TTC27: variants seen among roughly 807,000 people sequenced by gnomAD.
The protein encoded by TTC27 is tetratricopeptide repeat domain 27, also known as tetratricopeptide repeat protein 27.
A neutral mutation model predicts 115.9 loss-of-function variants in TTC27; 79 were observed. The observed-to-expected ratio is 0.68, with a 90% CI of 0.57 to 0.82. The LOEUF (loss-of-function observed/expected upper bound fraction) is 0.82, where lower values mean the gene tolerates loss of function less well. TTC27 is among the 40% of genes least tolerant of loss of function. The pLI is 0.00. For synonymous variants in TTC27, 401 were observed against 356.0 expected (o/e 1.13, Z -1.42); for missense variants, 1,054 against 993.1 (o/e 1.06, Z -0.82).
intron 13 of TTC27, among the ~76,000 whole-genome samples, chr2:32,776,133 T>G (rs1669990074): frequency 6.6e-6 from 1 of 152,204 alleles, no homozygotes; most frequent in African/African-American, 2.4e-5. Flanking sequence ...TTTTCAGTCA[T>G]TACCTGTCCC....
At chr2:32,814,432 A>G (rs945474147) in intron 18 of TTC27, among the ~76,000 whole-genome samples, 2 of 152,204 alleles carry the variant, frequency 1.3e-5, no homozygotes, top group African/African-American at 2.4e-5. Flanking sequence ...GTTTCTGATG[A>G]TATTTTAGAT....
intron 4 of TTC27, among the ~76,000 whole-genome samples, chr2:32,649,906 T>A (rs559215671): frequency 6.7e-6 from 1 of 148,498 alleles, no homozygotes; most frequent in South Asian, 2.1e-4. Context: ...TCCAAGTGGC[T>A]AAAAAAAAAA....
In TTC27 at chr2:32,787,034, A is replaced by G; in HGVS notation, c.1883A>G (p.His628Arg). The G allele has an allele frequency of 6.2e-7, 1 of 1,614,146 alleles. No homozygotes were observed. Among genetic ancestry groups the G allele is most frequent in the South Asian group, 1.1e-5 (1 of 91,064 alleles). ...GAAGCTCTCAAGTGTAACTATGAAC[A>G]CTGGCAGATTTGGGAAAACTACATC... ...LQEALKCNYEHWQIWENYILT... is the reference protein window; with the variant it reads ...LQEALKCNYERWQIWENYILT... Residue 628 changes from histidine to arginine, a missense_variant, in exon 16 of 20, where the codon CAC (histidine) becomes CGC (arginine). By Grantham distance (29) the His-to-Arg change is conservative (BLOSUM62 0). Coordinates refer to ENST00000317907, the MANE Select transcript of TTC27 (RefSeq NM_017735.5).
intron 10 of TTC27, among the ~76,000 whole-genome samples, chr2:32,722,705 G>C (rs372373265): frequency 6.6e-6 from 1 of 152,208 alleles, no homozygotes; most frequent in South Asian, 2.1e-4. Context: ...TGGAGGAAAG[G>C]AGTGGAATGA....
At chr2:32,739,789 T>G (rs573096924) in intron 12 of TTC27, among the ~76,000 whole-genome samples, 1 of 152,344 alleles carries the variant, frequency 6.6e-6, no homozygotes, top group African/African-American at 2.4e-5. Flanking sequence ...GTTTTATTTC[T>G]AAAACAGCTG....
At chr2:32,702,010 C>CAAAAAAAAAAAA in intron 9 of TTC27, among the ~76,000 whole-genome samples, 1 of 48,076 alleles carries the variant, frequency 2.1e-5, no homozygotes, top group African/African-American at 7.5e-5. Context: ...GATCCTGTCT[C>CAAAAAAAAAAAA]AAAAAAAAAA....
chr2:32,813,421 AG>A (rs1209990100), intron 18 of TTC27, among the ~76,000 whole-genome samples: 2 of 152,236 alleles, frequency 1.3e-5, no homozygotes, highest in African/African-American at 4.8e-5. Context: ...CCTAAGCTCC[AG>A]GACCAGCTCT....
In TTC27 at chr2:32,672,582, A is replaced by G. The variant is rs372748694; in HGVS notation, c.1052+198A>G. Among the ~76,000 whole-genome samples the G allele has an allele frequency of 9.7e-4, 148 of 152,340 alleles. 2 individuals are homozygous for G. In the South Asian group the frequency reaches 0.03, roughly 31 times the overall value. ...AAATCTCCAATGAGTTGATATATCTATTCTTCTGTTTCCTTTATAAGCACA... is the reference window on the plus strand; with the variant it reads ...AAATCTCCAATGAGTTGATATATCTGTTCTTCTGTTTCCTTTATAAGCACA... On this transcript the variant is annotated intron_variant, in intron 8 of 19. Coordinates refer to ENST00000317907, the MANE Select transcript of TTC27 (RefSeq NM_017735.5).
At chr2:32,650,490 A>G (rs890231896) in intron 5 of TTC27, among the ~76,000 whole-genome samples, 1 of 150,298 alleles carries the variant, frequency 6.7e-6, no homozygotes, top group Non-Finnish European at 1.5e-5. Flanking sequence ...GATTTGCTCT[A>G]TGTAGGTCAC....
chr2:32,670,681 G>C (rs1418438214), intron 7 of TTC27, among the ~76,000 whole-genome samples: 1 of 151,796 alleles, frequency 6.6e-6, no homozygotes, highest in African/African-American at 2.4e-5. Context: ...GCAGTGGCAT[G>C]ATCTCAGCTT....
At chr2:32,639,021 A>G (rs550577083) in intron 3 of TTC27, among the ~76,000 whole-genome samples, 49 of 152,052 alleles carry the variant, frequency 3.2e-4, no homozygotes, top group Admixed American at 2.8e-3. Context: ...TTTAATAGAG[A>G]CAGGGTTTCA....
intron 10 of TTC27, among the ~76,000 whole-genome samples, chr2:32,722,672 A>G (rs930258399): frequency 6.6e-6 from 1 of 152,238 alleles, no homozygotes; most frequent in South Asian, 2.1e-4. Flanking sequence ...GAAACGTGAT[A>G]TCAGTAGAAG....
Position 32,733,195 on chromosome 2 carries a change from G to A in TTC27, c.1234-633G>A, listed in dbSNP as rs1469530889. 4.6e-5 allele frequency among the ~76,000 whole-genome samples: 7 copies of A among 152,216 alleles called. 1 individual carries two copies. Among genetic ancestry groups the A allele is most frequent in the Admixed American group, 4.6e-4 (7 of 15,288 alleles). Reference sequence around the variant, plus strand: ...TCAGCTATTTTGGTCTTGTTGGTCTGCTTCTTGATGTAGCTTCTGAGAGTT... The same window carrying A: ...TCAGCTATTTTGGTCTTGTTGGTCTACTTCTTGATGTAGCTTCTGAGAGTT... On this transcript the variant is annotated intron_variant, in intron 10 of 19. Coordinates refer to ENST00000317907, the MANE Select transcript of TTC27 (RefSeq NM_017735.5).
chr2:32,662,764 G>A (rs1251497971), intron 5 of TTC27, among the ~76,000 whole-genome samples: 1 of 151,762 alleles, frequency 6.6e-6, no homozygotes, highest in Admixed American at 6.6e-5. Flanking sequence ...GGTTTTTTGT[G>A]TCTCTATCTC....
At chr2:32,662,114 AG>A (rs1665570106) in intron 5 of TTC27, among the ~76,000 whole-genome samples, 2 of 152,184 alleles carry the variant, frequency 1.3e-5, no homozygotes, top group South Asian at 4.1e-4. Context: ...CTGGGGATGA[AG>A]CCAACTTCAT....
chr2:32,643,791 T>A (rs2151865413), intron 4 of TTC27, among the ~76,000 whole-genome samples: 1 of 152,030 alleles, frequency 6.6e-6, no homozygotes, highest in South Asian at 2.1e-4. Context: ...TACCAGCACT[T>A]TGGGAGGCCA....
rs1178970130 is a variant in TTC27, at chr2:32,736,662, A to C, written c.1330-32A>C. On this transcript the variant is annotated intron_variant, in intron 11 of 19. Coordinates refer to ENST00000317907, the MANE Select transcript of TTC27 (RefSeq NM_017735.5). The stretch of plus-strand genomic sequence containing the variant: ...AACAGGAATCTCTTTTTACACCAAG[A>C]AGTATTAATTATTTTTACTTGATTT... 3.7e-6 allele frequency: 6 copies of C among 1,612,596 alleles called. No homozygotes were observed. The Admixed American group carries it at 1.0e-4, about 27-fold the overall frequency.
chr2:32,810,562 A>G (rs961380465), intron 16 of TTC27, among the ~76,000 whole-genome samples: 2 of 152,194 alleles, frequency 1.3e-5, no homozygotes, highest in East Asian at 3.9e-4. Context: ...TTTGAGATCT[A>G]TGTTTCACTT....
At position 32,713,445 on chromosome 2, in the gene TTC27, A is replaced by G. The variant is rs148801399; in HGVS notation, c.1233+10525A>G. Among the ~76,000 whole-genome samples the G allele has an allele frequency of 9.3e-3, 1,423 of 152,330 alleles. 11 individuals are homozygous for G. The highest frequency in any genetic ancestry group is 0.024 in the Middle Eastern group (7 of 294). Reference sequence around the variant, plus strand: ...AACTTAGTTCAGTCTTTGGAGATCAATGTTAGATTGTTTTATGTTTATTAC... The same window carrying G: ...AACTTAGTTCAGTCTTTGGAGATCAGTGTTAGATTGTTTTATGTTTATTAC... On this transcript the variant is annotated intron_variant, in intron 10 of 19. Transcript: ENST00000317907.
Sources: gnomAD v4.1 joint callset for allele counts (sites outside exome capture counted in the v4.1 genomes callset) on GRCh38, gnomAD v4.1.1 for gene constraint, MANE v1.5 for transcripts, NCBI Gene and HGNC (gene_info 2026-07-23, HGNC 2026-07-21) for gene names.